GALNT13: variants seen among roughly 807,000 people sequenced by gnomAD.
GALNT13 encodes the protein polypeptide N-acetylgalactosaminyltransferase 13, also known as UDP-GalNAc:polypeptide N-acetylgalactosaminyltransferase 13.
GALNT13 carries 28 observed loss-of-function variants against 64.2 expected under a neutral mutation model. The ratio of observed to expected loss-of-function variants is 0.44; its 90% confidence interval spans 0.32 to 0.60. The LOEUF is 0.60. GALNT13 is among the 20% of genes least tolerant of loss of function. GALNT13 has a pLI of 0.05. For synonymous variants in GALNT13, 214 were observed against 224.6 expected, an observed-to-expected ratio of 0.95 and a Z score of 0.42; for missense variants, 577 against 669.8, an observed-to-expected ratio of 0.86 and a Z score of 1.53.
chr2:153,320,448 A>G, the GALNT13 span, among the ~76,000 whole-genome samples: 2 of 152,306 alleles, frequency 1.3e-5, no homozygotes, highest in East Asian at 3.9e-4. Flanking sequence ...TATAAAAGTG[A>G]ACATGACAGA....
At chr2:154,295,121 C>A (rs1193472637) in intron 8 of GALNT13, among the ~76,000 whole-genome samples, 1 of 152,096 alleles carries the variant, frequency 6.6e-6, no homozygotes, top group African/African-American at 2.4e-5. Context: ...TAGTGCTAAT[C>A]CATATTTATA....
intron 4 of GALNT13, among the ~76,000 whole-genome samples, chr2:154,198,661 G>T (rs1364061034): frequency 1.3e-5 from 2 of 151,606 alleles, no homozygotes; most frequent in Non-Finnish European, 2.9e-5. Context: ...AACCTTTCTG[G>T]CTGAAATTAC....
At chr2:154,439,761 T>A (rs556231448) in intron 12 of GALNT13, among the ~76,000 whole-genome samples, 1 of 152,272 alleles carries the variant, frequency 6.6e-6, no homozygotes, top group South Asian at 2.1e-4. Context: ...CTCATAGGAT[T>A]TGAAACTGGT....
intron 3 of GALNT13, among the ~76,000 whole-genome samples, chr2:153,952,312 C>G (rs1371223393): frequency 3.3e-5 from 5 of 152,122 alleles, no homozygotes; most frequent in African/African-American, 1.2e-4. Context: ...CTCATATTCT[C>G]AGGCAAGTAG....
intron 10 of GALNT13, 100 bp from the exon 11 acceptor site, chr2:154,408,881 GTAT>G: frequency 1.4e-6 from 1 of 719,364 alleles, no homozygotes; most frequent in Non-Finnish European, 2.4e-6. Flanking sequence ...TTATGAAGTT[GTAT>G]TATTCAGTTA....
intron 3 of GALNT13, among the ~76,000 whole-genome samples, chr2:154,100,684 A>G (rs1558957688): frequency 6.6e-6 from 1 of 152,054 alleles, no homozygotes; most frequent in Non-Finnish European, 1.5e-5. Flanking sequence ...TCCAATATGA[A>G]TGCCTTTTAT....
chr2:153,720,396 C>T, the GALNT13 span, among the ~76,000 whole-genome samples: 1 of 151,436 alleles, frequency 6.6e-6, no homozygotes, highest in Non-Finnish European at 1.5e-5. Flanking sequence ...CTCTAAAACG[C>T]AGAGCGCCTC....
chr2:153,576,121 T>C, the GALNT13 span, among the ~76,000 whole-genome samples: 5 of 152,092 alleles, frequency 3.3e-5, no homozygotes, highest in African/African-American at 9.6e-5. Context: ...GCTGAGTTGG[T>C]ATCCAAGATG....
At chr2:153,744,998 C>G in the GALNT13 span, among the ~76,000 whole-genome samples, 1 of 152,064 alleles carries the variant, frequency 6.6e-6, no homozygotes, top group East Asian at 1.9e-4. Context: ...TTCAGAAAAT[C>G]TTAGGATGAA....
At chr2:153,746,677 G>A in the GALNT13 span, among the ~76,000 whole-genome samples, 1 of 152,110 alleles carries the variant, frequency 6.6e-6, no homozygotes, top group Non-Finnish European at 1.5e-5. Flanking sequence ...TTATACTTAT[G>A]TTAAATTTTA....
At chr2:153,911,426 A>G (rs1227969971) in intron 2 of GALNT13, among the ~76,000 whole-genome samples, 1 of 152,058 alleles carries the variant, frequency 6.6e-6, no homozygotes, top group Non-Finnish European at 1.5e-5. Flanking sequence ...TAGCATTGAT[A>G]TGTGTGGATT....
intron 3 of GALNT13, among the ~76,000 whole-genome samples, chr2:154,035,427 C>A (rs114218510): frequency 1.2e-3 from 184 of 152,140 alleles, no homozygotes; most frequent in African/African-American, 4.3e-3. Flanking sequence ...ATTTCCTCCA[C>A]ACTCGTTAAT....
the GALNT13 span, among the ~76,000 whole-genome samples, chr2:153,589,111 G>A: frequency 1.1e-4 from 16 of 150,848 alleles, no homozygotes; most frequent in Admixed American, 2.0e-4. Flanking sequence ...CTCCAGCCTG[G>A]GCAGCAAGCG....
the GALNT13 span, among the ~76,000 whole-genome samples, chr2:153,238,216 A>G: frequency 6.6e-6 from 1 of 152,086 alleles, no homozygotes; most frequent in Non-Finnish European, 1.5e-5. Context: ...AGCTCCTTAT[A>G]TATTCTGACT....
At chr2:154,269,295 C>T (rs1483814912) in intron 8 of GALNT13, among the ~76,000 whole-genome samples, 4 of 151,882 alleles carry the variant, frequency 2.6e-5, no homozygotes, top group African/African-American at 4.8e-5. Flanking sequence ...AAACATCAGC[C>T]GTAATAATTT....
intron 4 of GALNT13, among the ~76,000 whole-genome samples, chr2:154,238,185 C>A (rs966963380): frequency 5.9e-5 from 9 of 151,972 alleles, no homozygotes; most frequent in African/African-American, 1.9e-4. Context: ...AAGATATCCA[C>A]AAGAGGTTGA....
intron 11 of GALNT13, among the ~76,000 whole-genome samples, chr2:154,431,369 G>A (rs1439107054): frequency 6.6e-6 from 1 of 152,022 alleles, no homozygotes; most frequent in African/African-American, 2.4e-5. Flanking sequence ...TTTTTCTAAA[G>A]GGTCATGAAA....
At chr2:153,491,144 G>T in the GALNT13 span, among the ~76,000 whole-genome samples, 1 of 151,844 alleles carries the variant, frequency 6.6e-6, no homozygotes, top group Admixed American at 6.6e-5. Context: ...ATTAGGAGAT[G>T]AAATGAAAAA....
At chr2:154,358,444 T>C (rs1273989437) in intron 9 of GALNT13, among the ~76,000 whole-genome samples, 1 of 152,192 alleles carries the variant, frequency 6.6e-6, no homozygotes, top group Admixed American at 6.6e-5. Flanking sequence ...TTTATATGCA[T>C]TTATAGAATA....
Sources: allele counts gnomAD v4.1 joint callset (sites outside exome capture counted in the v4.1 genomes callset), GRCh38; gene constraint gnomAD v4.1.1; transcripts MANE v1.5; gene names NCBI Gene and HGNC (gene_info 2026-07-23, HGNC 2026-07-21).